Variants in CDH13 observed in about 807,000 individuals in gnomAD.
CDH13 encodes cadherin-13.
Under a neutral mutation model 63.8 loss-of-function variants are expected in CDH13, and 24 were observed. The ratio of observed to expected loss-of-function variants is 0.38; its 90% CI spans 0.27 to 0.53. CDH13 has a LOEUF of 0.53. Ranked by LOEUF, CDH13 falls within the 20% of genes least tolerant of loss-of-function variation. CDH13 has a pLI of 0.85. For missense variants in CDH13, 1,049 were observed against 903.1 expected (o/e 1.16, Z -2.07); for synonymous variants, 503 against 355.3 (o/e 1.42, Z -4.67).
chr16:83,247,298 A>T (rs964803), intron 5 of CDH13, among the ~76,000 whole-genome samples: 150,815 of 152,286 alleles, frequency 0.99, 74,701 homozygotes, highest in Middle Eastern at 1. Flanking sequence ...CATAATTTAC[A>T]TGGAGGCTTG....
At chr16:82,703,036 T>G (rs931820425) in intron 1 of CDH13, among the ~76,000 whole-genome samples, 7 of 152,164 alleles carry the variant, frequency 4.6e-5, no homozygotes, top group African/African-American at 1.7e-4. Flanking sequence ...TACAAACACT[T>G]ACAGCATCAG....
At chr16:83,442,710 C>T (rs1018357741) in intron 6 of CDH13, among the ~76,000 whole-genome samples, 14 of 152,200 alleles carry the variant, frequency 9.2e-5, no homozygotes, top group African/African-American at 3.4e-4. Flanking sequence ...TCTTTAGAAT[C>T]TCTAACTTCA....
chr16:83,197,484 G>C (rs1319538271), intron 4 of CDH13, among the ~76,000 whole-genome samples: 3 of 151,904 alleles, frequency 2.0e-5, no homozygotes, highest in Non-Finnish European at 2.9e-5. Context: ...TCAAATACTG[G>C]GTTTTATTCA....
intron 7 of CDH13, among the ~76,000 whole-genome samples, chr16:83,547,243 C>T (rs1158284230): frequency 2.0e-5 from 3 of 152,154 alleles, no homozygotes. Context: ...CAGCAGTGAG[C>T]CTGGACCCAG....
intron 5 of CDH13, among the ~76,000 whole-genome samples, chr16:83,250,538 C>G (rs1477441101): frequency 3.3e-5 from 5 of 152,282 alleles, no homozygotes; most frequent in Non-Finnish European, 2.9e-5. Flanking sequence ...AGCGAGCGTT[C>G]ATAAGGAACC....
At chr16:83,104,469 C>T (rs1399491268) in intron 3 of CDH13, among the ~76,000 whole-genome samples, 1 of 152,054 alleles carries the variant, frequency 6.6e-6, no homozygotes, top group Non-Finnish European at 1.5e-5. Context: ...TTTGGGACTT[C>T]ACTAAAGAGA....
intron 1 of CDH13, among the ~76,000 whole-genome samples, chr16:82,849,460 C>A (rs572536874): frequency 6.6e-6 from 1 of 152,212 alleles, no homozygotes; most frequent in South Asian, 2.1e-4. Context: ...TGAGATCACA[C>A]CACTGCACTC....
intron 10 of CDH13, among the ~76,000 whole-genome samples, chr16:83,692,993 G>T (rs1388353153): frequency 6.6e-6 from 1 of 152,220 alleles, no homozygotes; most frequent in Non-Finnish European, 1.5e-5. Context: ...TGAGGCAAGA[G>T]AATCACTTGA....
intron 6 of CDH13, among the ~76,000 whole-genome samples, chr16:83,425,871 T>A (rs1407171190): frequency 1.3e-5 from 2 of 152,190 alleles, no homozygotes; most frequent in Non-Finnish European, 2.9e-5. Flanking sequence ...GGACTTAATA[T>A]GTGCCCAGCA....
At chr16:83,419,926 T>TA (rs2071666137) in intron 6 of CDH13, among the ~76,000 whole-genome samples, 1 of 111,552 alleles carries the variant, frequency 9.0e-6, no homozygotes, top group South Asian at 3.1e-4. Flanking sequence ...TTTTTTTTTT[T>TA]TAAAAAAAAG....
At chr16:82,976,641 A>C (rs910596315) in intron 2 of CDH13, among the ~76,000 whole-genome samples, 2 of 152,216 alleles carry the variant, frequency 1.3e-5, no homozygotes, top group Non-Finnish European at 2.9e-5. Flanking sequence ...ACTTGCTTGC[A>C]GATGTGCAAA....
chr16:82,722,833 C>T (rs1049351739), intron 1 of CDH13, among the ~76,000 whole-genome samples: 2 of 151,966 alleles, frequency 1.3e-5, no homozygotes, highest in African/African-American at 4.8e-5. Context: ...TTCACGTGAG[C>T]CCACCTGTGA....
chr16:83,117,234 G>T (rs2035347845), intron 3 of CDH13, among the ~76,000 whole-genome samples: 4 of 152,150 alleles, frequency 2.6e-5, no homozygotes, highest in Admixed American at 2.6e-4. Context: ...CCTCTCCAGG[G>T]TCTGACTTCC....
In CDH13 at chr16:83,047,823, G is replaced by C. The variant is rs999414859; in HGVS notation, c.366+15605G>C. ...ACTTTAAGTGCATTTCTTACATTAA[G>C]TCATATAATCTTTATAATAACTCTA... On this transcript the variant is annotated intron_variant, in intron 3 of 13. Coordinates refer to ENST00000567109, the MANE Select transcript of CDH13 (RefSeq NM_001257.5). The surrounding 1 kb of genome is among the most constrained non-coding windows in gnomAD (Gnocchi z 4.9). 6.6e-6 allele frequency among the ~76,000 whole-genome samples: 1 copy of C among 152,178 alleles called. No individual in the cohort carries two copies. Among genetic ancestry groups the C allele is most frequent in the East Asian group, 1.9e-4 (1 of 5,194 alleles).
chr16:82,916,798 TA>T (rs1293947184), intron 2 of CDH13, among the ~76,000 whole-genome samples: 2 of 152,106 alleles, frequency 1.3e-5, no homozygotes, highest in South Asian at 2.1e-4. Context: ...GCAGGAGACC[TA>T]AAAAATATTC....
intron 1 of CDH13, among the ~76,000 whole-genome samples, chr16:82,638,007 G>C (rs2150880467): frequency 6.6e-6 from 1 of 152,324 alleles, no homozygotes; most frequent in South Asian, 2.1e-4. Flanking sequence ...TACAAATGTG[G>C]TAATTGTTAC....
chr16:83,302,288 C>G (rs892398826), intron 5 of CDH13, among the ~76,000 whole-genome samples: 1 of 152,146 alleles, frequency 6.6e-6, no homozygotes, highest in African/African-American at 2.4e-5. Context: ...CCTCCTGTTG[C>G]TTCAGTTTTC....
intron 10 of CDH13, among the ~76,000 whole-genome samples, chr16:83,715,753 A>T (rs1425109474): frequency 2.0e-5 from 3 of 152,104 alleles, no homozygotes; most frequent in Admixed American, 1.3e-4. Flanking sequence ...AGAGATTGTG[A>T]TGCCTTGGCT....
At chr16:83,457,482 G>T (rs979487141) in intron 6 of CDH13, among the ~76,000 whole-genome samples, 4 of 152,098 alleles carry the variant, frequency 2.6e-5, no homozygotes, top group Admixed American at 6.6e-5. Flanking sequence ...TTCAATTAAG[G>T]ATTGTGTGTG....
Sources: gnomAD v4.1 joint callset for allele counts (sites outside exome capture counted in the v4.1 genomes callset) on GRCh38, gnomAD v4.1.1 for gene constraint, Gnocchi (gnomAD v3.1) non-coding constraint, MANE v1.5 for transcripts, NCBI Gene and HGNC (gene_info 2026-07-23, HGNC 2026-07-21) for gene names.